SIDT1: variants seen among roughly 807,000 people sequenced by gnomAD.
SIDT1 encodes the protein SID1 transmembrane family member 1.
In SIDT1, 101 loss-of-function variants were observed where a neutral mutation model predicts 107.5. The observed-to-expected ratio is 0.94, with a 90% CI of 0.80 to 1.11. The LOEUF is 1.11. Ranked by LOEUF, SIDT1 falls within the 50% of genes least tolerant of loss-of-function variation. The pLI is 0.00. For synonymous variants in SIDT1, 395 were observed against 398.2 expected (o/e 0.99, Z 0.10); for missense variants, 1,076 against 1,058.2 (o/e 1.02, Z -0.23).
At chr3:113,610,791 G>A (rs1257436123) in intron 17 of SIDT1, among the ~76,000 whole-genome samples, 5 of 152,126 alleles carry the variant, frequency 3.3e-5, no homozygotes, top group Non-Finnish European at 1.5e-5. Flanking sequence ...GTGAACTAAA[G>A]GGCAGCCTTA....
intron 17 of SIDT1, among the ~76,000 whole-genome samples, chr3:113,609,058 CTTTTTTTTTTT>C (rs11453487): frequency 0.015 from 1,306 of 86,732 alleles, 29 homozygotes; most frequent in African/African-American, 0.053. Context: ...TGAGCCCATT[CTTTTTTTTTTT>C]TTTTTTTTTT....
chr3:113,571,793 G>A (rs1942483054), intron 3 of SIDT1, among the ~76,000 whole-genome samples: 1 of 152,110 alleles, frequency 6.6e-6, no homozygotes, highest in South Asian at 2.1e-4. Flanking sequence ...AAACTAGCTG[G>A]GCATGGTGGT....
At chr3:113,592,664 T>A in intron 9 of SIDT1, 1 of 272,956 alleles carries the variant, frequency 3.7e-6, no homozygotes, top group Non-Finnish European at 7.2e-6. Context: ...CTCAGCTCAC[T>A]GCAACCTCCA....
At chr3:113,587,575 A>G (rs1015749253) in intron 9 of SIDT1, among the ~76,000 whole-genome samples, 2 of 152,214 alleles carry the variant, frequency 1.3e-5, no homozygotes. Context: ...TCCATTTACT[A>G]AAAGAAAACA....
chr3:113,555,193 T>A (rs969915098), intron 1 of SIDT1, among the ~76,000 whole-genome samples: 2 of 152,186 alleles, frequency 1.3e-5, no homozygotes, highest in Non-Finnish European at 2.9e-5. Flanking sequence ...TGTTTGGAAA[T>A]TTATCTTGCT....
intron 1 of SIDT1, among the ~76,000 whole-genome samples, chr3:113,536,968 G>T (rs6805231): frequency 0.13 from 20,213 of 152,174 alleles, 1,855 homozygotes; most frequent in African/African-American, 0.26. Flanking sequence ...TGGGAAAGTT[G>T]CCAGGGATAT....
intron 3 of SIDT1, 59 bp from the exon 4 acceptor site, chr3:113,576,863 A>T: frequency 6.5e-7 from 1 of 1,547,912 alleles, no homozygotes; most frequent in Non-Finnish European, 8.9e-7. Context: ...ATTTTTGCTC[A>T]CTAACTTATG....
chr3:113,635,561 A>C, the SIDT1 span, among the ~76,000 whole-genome samples: 3 of 152,304 alleles, frequency 2.0e-5, no homozygotes, highest in African/African-American at 7.2e-5. Context: ...TTTCTTCCCC[A>C]AAACATTTTA....
At chr3:113,582,869 A>G (rs1449980052) in intron 6 of SIDT1, among the ~76,000 whole-genome samples, 1 of 152,184 alleles carries the variant, frequency 6.6e-6, no homozygotes, top group African/African-American at 2.4e-5. Flanking sequence ...AGTCTGGGTT[A>G]TAGAACTCTA....
At chr3:113,583,060 G>A (rs1305552402) in intron 6 of SIDT1, among the ~76,000 whole-genome samples, 4 of 152,098 alleles carry the variant, frequency 2.6e-5, no homozygotes, top group African/African-American at 9.7e-5. Flanking sequence ...TTTATCATTA[G>A]ATTCTAAAAT....
intron 1 of SIDT1, among the ~76,000 whole-genome samples, chr3:113,552,899 A>G: frequency 6.6e-6 from 1 of 152,178 alleles, no homozygotes; most frequent in African/African-American, 2.4e-5. Context: ...TTCCTCCAGA[A>G]CATGCAAGGG....
At chr3:113,593,592 G>A (rs1437841021) in intron 10 of SIDT1, among the ~76,000 whole-genome samples, 2 of 152,152 alleles carry the variant, frequency 1.3e-5, no homozygotes, top group African/African-American at 2.4e-5. Context: ...ACCTTTACTA[G>A]GAGTGTCCCT....
chr3:113,612,542 C>T, intron 19 of SIDT1: 1 of 399,458 alleles, frequency 2.5e-6, no homozygotes, highest in Admixed American at 3.3e-5. Context: ...CCTAGAGGAA[C>T]ATTTTTCAGT....
At chr3:113,569,375 A>AT (rs1234332183) in intron 3 of SIDT1, among the ~76,000 whole-genome samples, 3 of 152,220 alleles carry the variant, frequency 2.0e-5, no homozygotes, top group Non-Finnish European at 2.9e-5. Flanking sequence ...TAAAAAGTTA[A>AT]TTTTTTAAAA....
At chr3:113,602,945 C>G (rs1945062228) in intron 11 of SIDT1, 60 bp from the exon 12 acceptor site, 2 of 1,575,356 alleles carry the variant, frequency 1.3e-6, no homozygotes, top group Middle Eastern at 1.8e-4. Flanking sequence ...TTTGCAGAGA[C>G]GAATGGGCTC....
chr3:113,618,035 T>C (rs1461726346), intron 20 of SIDT1, among the ~76,000 whole-genome samples: 5 of 152,232 alleles, frequency 3.3e-5, no homozygotes, highest in African/African-American at 9.6e-5. Context: ...TATAGTATCA[T>C]ACAAGACAGT....
rs1367851643 is a variant in SIDT1, at chr3:113,628,072, C to T, written c.*364C>T. The T allele has an allele frequency of 1.8e-5, 4 of 224,804 alleles. No individual in the cohort carries two copies. Among genetic ancestry groups the T allele is most frequent in the Admixed American group, 1.7e-4 (3 of 18,112 alleles). 13.9% of individuals were successfully genotyped at this position (224,804 alleles called of 1,614,324 possible). On this transcript the variant is annotated 3_prime_UTR_variant, in exon 25 of 25. Coordinates refer to ENST00000264852, the MANE Select transcript of SIDT1 (RefSeq NM_017699.3). ...AATGGCAGAATGCTGCTGCACACTT[C>T]CCTCCAGTTGTCACCCTGCCCAGAA...
chr3:113,620,737 G>A (rs1423527541), intron 21 of SIDT1, among the ~76,000 whole-genome samples: 2 of 152,160 alleles, frequency 1.3e-5, no homozygotes, highest in Admixed American at 6.5e-5. Flanking sequence ...TTGGGCAGTG[G>A]TCTCTTCTTG....
At chr3:113,593,115 T>A in intron 10 of SIDT1, 67 bp downstream of exon 10, 1 of 1,270,952 alleles carries the variant, frequency 7.9e-7, no homozygotes, top group Non-Finnish European at 1.2e-6. Flanking sequence ...CATTTCATGC[T>A]TCTTTTACCT....
Sources: gnomAD v4.1 joint callset for allele counts (sites outside exome capture counted in the v4.1 genomes callset) on GRCh38, gnomAD v4.1.1 for gene constraint, MANE v1.5 for transcripts, NCBI Gene and HGNC (gene_info 2026-07-23, HGNC 2026-07-21) for gene names.